The following LTBP1 variants were observed in gnomAD, a reference collection of about 807,000 sequenced individuals.
LTBP1 encodes the protein latent-transforming growth factor beta-binding protein 1.
In LTBP1, 129 loss-of-function variants were observed where a neutral mutation model predicts 207.6. The ratio of observed to expected loss-of-function variants is 0.62; its 90% CI spans 0.54 to 0.72. The LOEUF is 0.72. Among genes scored for constraint, LTBP1 ranks in the 30% least tolerant of loss-of-function variants. The pLI, the probability that LTBP1 is intolerant of heterozygous loss-of-function variation, is 0.00. For missense variants in LTBP1, 2,281 were observed against 2,217.2 expected, an observed-to-expected ratio of 1.03 and a Z score of -0.58; for synonymous variants, 963 against 833.7, an observed-to-expected ratio of 1.16 and a Z score of -2.67.
intron 5 of LTBP1, among the ~76,000 whole-genome samples, chr2:33,155,463 A>T (rs1027721420): frequency 1.3e-5 from 2 of 152,136 alleles, no homozygotes; most frequent in African/African-American, 4.8e-5. Context: ...GTTTCTTTTC[A>T]TGTGCCTAAA....
At chr2:33,358,572 C>T (rs113678948) in intron 26 of LTBP1, among the ~76,000 whole-genome samples, 1,937 of 152,076 alleles carry the variant, frequency 0.013, 41 homozygotes, top group African/African-American at 0.044. Context: ...TTGTAATAAA[C>T]ACCATGACAT....
intron 3 of LTBP1, among the ~76,000 whole-genome samples, chr2:33,051,638 GT>G (rs2076749659): frequency 6.6e-6 from 1 of 152,170 alleles, no homozygotes; most frequent in East Asian, 1.9e-4. Flanking sequence ...TGATGGCTCA[GT>G]TGCCCTTGAG....
intron 3 of LTBP1, among the ~76,000 whole-genome samples, chr2:33,050,762 C>T (rs1365188681): frequency 6.7e-6 from 1 of 148,372 alleles, no homozygotes; most frequent in African/African-American, 2.5e-5. Flanking sequence ...GAGACCGAGT[C>T]TCGCTCTGTT....
Position 33,020,958 on chromosome 2 carries a change from A to G in LTBP1, c.615A>G (p.Gln205=). 1.9e-6 allele frequency: 3 copies of G among 1,607,802 alleles called. No individual in the cohort carries two copies. The South Asian group carries it at 3.3e-5, about 18-fold the overall frequency. ...ATGGAGGGATGTGTCTCCGGCCACAACTCTGTGTGTGTAAACCAGGGACCA... is the reference window on the plus strand; with the variant it reads ...ATGGAGGGATGTGTCTCCGGCCACAGCTCTGTGTGTGTAAACCAGGGACCA... ...CQNGGMCLRP[Q]LCVCKPGTKG... The change falls in exon 3 of 34, where the codon CAA becomes CAG. Residue 205 remains glutamine, a synonymous_variant. Transcript: ENST00000404816.
At chr2:33,323,922 A>T (rs987641581) in intron 24 of LTBP1, among the ~76,000 whole-genome samples, 1 of 152,178 alleles carries the variant, frequency 6.6e-6, no homozygotes. Context: ...GTTTGGCTAC[A>T]TGGGCTTGAA....
chr2:33,203,351 C>T (rs2149135235), intron 7 of LTBP1, among the ~76,000 whole-genome samples: 1 of 152,284 alleles, frequency 6.6e-6, no homozygotes, highest in South Asian at 2.1e-4. Context: ...TGTCACTGGG[C>T]TCCTGCCAGT....
Position 33,317,929 on chromosome 2 carries a change from G to A in LTBP1, c.3730+2660G>A, listed in dbSNP as rs537650430. ...TGGCAGCTTCTATAGCAATAAAAAT[G>A]GCACCACTGGCTCCTTCCTTTCTCT... On this transcript the variant is annotated intron_variant, in intron 24 of 33. Coordinates refer to ENST00000404816, the MANE Select transcript of LTBP1 (RefSeq NM_206943.4). 2.0e-5 allele frequency: 3 copies of A among 152,290 alleles called. No individual in the cohort carries two copies. The South Asian group carries it at 6.2e-4, about 32-fold the overall frequency. The allele number at this position is 152,290 out of a possible 1,614,324, so 9.4% of individuals were successfully genotyped here. A position where few individuals can be genotyped will look rare whatever the true frequency, so the allele number is the denominator to read the frequency against.
chr2:33,286,983 A>G (rs560104227), intron 19 of LTBP1, among the ~76,000 whole-genome samples: 22 of 152,330 alleles, frequency 1.4e-4, no homozygotes, highest in African/African-American at 5.3e-4. Context: ...CTAATGTTAA[A>G]TGAAGAGTTA....
At chr2:33,363,784 TC>T (rs2150076727) in intron 29 of LTBP1, among the ~76,000 whole-genome samples, 1 of 152,344 alleles carries the variant, frequency 6.6e-6, no homozygotes, top group African/African-American at 2.4e-5. Flanking sequence ...ACTGAAGTGT[TC>T]TTTTGGTCTG....
In LTBP1 at chr2:32,947,594, G is replaced by A. The variant is rs912174903; in HGVS notation, c.270G>A (p.Pro90=). Residue 90 remains proline, a synonymous_variant, in exon 1 of 34, where the codon CCG becomes CCA. Transcript: ENST00000404816. Reference sequence around the variant, plus strand: ...AGAGGACCCGGCGCACGAGCAAGCCGGGCGGCGCGGCCCTGCAGGGGCTCA... The same window carrying A: ...AGAGGACCCGGCGCACGAGCAAGCCAGGCGGCGCGGCCCTGCAGGGGCTCA... ...PSERTRRTSK[P]GGAALQGLRP... is the part of the protein sequence containing the mutation. The A allele has an allele frequency of 3.6e-5, 47 of 1,311,428 alleles. No individual in the cohort carries two copies. Among genetic ancestry groups the A allele is most frequent in the Non-Finnish European group, 4.3e-5 (44 of 1,034,772 alleles). 81.2% of individuals were successfully genotyped at this position (1,311,428 alleles called of 1,614,324 possible). A position where few individuals can be genotyped will look rare whatever the true frequency, so the allele number is the denominator to read the frequency against.
chr2:33,297,415 AT>A (rs1404077069), intron 20 of LTBP1, among the ~76,000 whole-genome samples: 3 of 146,482 alleles, frequency 2.0e-5, no homozygotes, highest in Non-Finnish European at 4.5e-5. Flanking sequence ...TTATTTATTT[AT>A]TTATTTATTT....
intron 19 of LTBP1, among the ~76,000 whole-genome samples, chr2:33,289,688 AC>A (rs1259324265): frequency 6.6e-6 from 1 of 152,076 alleles, no homozygotes; most frequent in African/African-American, 2.4e-5. Context: ...TTTTATCAAC[AC>A]TGTTTTTTAT....
At chr2:33,295,781 T>C (rs1408421488) in intron 20 of LTBP1, among the ~76,000 whole-genome samples, 1 of 152,140 alleles carries the variant, frequency 6.6e-6, no homozygotes, top group Non-Finnish European at 1.5e-5. Context: ...TTGATGTAAG[T>C]GAAGGATGTA....
chr2:33,166,714 T>C (rs2084950158), intron 5 of LTBP1, among the ~76,000 whole-genome samples: 1 of 152,222 alleles, frequency 6.6e-6, no homozygotes, highest in African/African-American at 2.4e-5. Flanking sequence ...TCAGGAAGTA[T>C]ATATGGAGCC....
chr2:33,060,211 AG>A (rs1276530380), intron 3 of LTBP1, among the ~76,000 whole-genome samples: 6 of 152,156 alleles, frequency 3.9e-5, no homozygotes, highest in African/African-American at 9.7e-5. Context: ...CTGGGATGAG[AG>A]TTTAGGATTC....
chr2:33,241,872 A>G (rs2149747799), intron 9 of LTBP1, among the ~76,000 whole-genome samples: 1 of 152,286 alleles, frequency 6.6e-6, no homozygotes, highest in Middle Eastern at 3.4e-3. Context: ...TTACGGGGGA[A>G]TATTTTCAGT....
At chr2:33,289,095 G>T (rs1200129408) in intron 19 of LTBP1, among the ~76,000 whole-genome samples, 1 of 152,190 alleles carries the variant, frequency 6.6e-6, no homozygotes, top group Non-Finnish European at 1.5e-5. Flanking sequence ...AGGAAATTCT[G>T]TGGGCATGGC....
chr2:33,335,998 G>A (rs1178052515), intron 24 of LTBP1, among the ~76,000 whole-genome samples: 2 of 152,172 alleles, frequency 1.3e-5, no homozygotes, highest in Non-Finnish European at 2.9e-5. Flanking sequence ...CCTGAGACTT[G>A]CAACCATGGG....
intron 3 of LTBP1, among the ~76,000 whole-genome samples, chr2:33,068,987 T>G (rs1184936838): frequency 2.6e-5 from 4 of 152,208 alleles, no homozygotes; most frequent in Non-Finnish European, 4.4e-5. Flanking sequence ...AGAATGAATG[T>G]TTTTGTGCCT....
Sources: gnomAD v4.1 joint callset for allele counts (sites outside exome capture counted in the v4.1 genomes callset) on GRCh38, gnomAD v4.1.1 for gene constraint, MANE v1.5 for transcripts, NCBI Gene and HGNC (gene_info 2026-07-23, HGNC 2026-07-21) for gene names.